The following FAM193A variants were observed in gnomAD, a reference collection of about 807,000 sequenced individuals.
The protein encoded by FAM193A is protein FAM193A.
In FAM193A, 22 loss-of-function variants were observed where a neutral mutation model predicts 126.5. The ratio of observed to expected loss-of-function variants is 0.17; its 90% confidence interval spans 0.12 to 0.25. The LOEUF (loss-of-function observed/expected upper bound fraction) is 0.25. FAM193A is among the 10% of genes least tolerant of loss of function. FAM193A has a pLI of 1.00. For missense variants in FAM193A, 1,675 were observed against 1,672.8 expected (o/e 1.00, Z -0.02); for synonymous variants, 761 against 646.8 (o/e 1.18, Z -2.68).
intron 13 of FAM193A, among the ~76,000 whole-genome samples, chr4:2,687,257 T>C (rs1183880488): frequency 6.6e-6 from 1 of 152,142 alleles, no homozygotes; most frequent in African/African-American, 2.4e-5. Context: ...TCTATATAAG[T>C]AGTCTCTATA....
At chr4:2,725,126 ACCTCCG>A (rs1333552176) in intron 20 of FAM193A, among the ~76,000 whole-genome samples, 4 of 151,422 alleles carry the variant, frequency 2.6e-5, no homozygotes, top group Non-Finnish European at 5.9e-5. Flanking sequence ...TAATCCACCT[ACCTCCG>A]CCTCCCAAAG....
chr4:2,538,043 C>T (rs1736995102), intron 1 of FAM193A, among the ~76,000 whole-genome samples: 1 of 152,120 alleles, frequency 6.6e-6, no homozygotes, highest in South Asian at 2.1e-4. Context: ...CCAGTTATCC[C>T]ATTGTCTGCT....
chr4:2,578,819 A>G (rs529825349), intron 1 of FAM193A, among the ~76,000 whole-genome samples: 41 of 152,292 alleles, frequency 2.7e-4, no homozygotes, highest in African/African-American at 9.1e-4. Context: ...GTGGAAGTGG[A>G]TCATGATAAA....
At chr4:2,610,908 T>G (rs1741831396) in intron 2 of FAM193A, among the ~76,000 whole-genome samples, 1 of 152,134 alleles carries the variant, frequency 6.6e-6, no homozygotes, top group Non-Finnish European at 1.5e-5. Flanking sequence ...CAGCTAGTTG[T>G]GTATTTTTAG....
At chr4:2,683,108 A>C (rs1429397311) in intron 13 of FAM193A, among the ~76,000 whole-genome samples, 1 of 152,028 alleles carries the variant, frequency 6.6e-6, no homozygotes, top group Admixed American at 6.5e-5. Flanking sequence ...CTGGACACAT[A>C]ATTCTAGGTT....
At chr4:2,571,920 C>T (rs1393897959) in intron 1 of FAM193A, among the ~76,000 whole-genome samples, 1 of 151,484 alleles carries the variant, frequency 6.6e-6, no homozygotes, top group Non-Finnish European at 1.5e-5. Context: ...AATCCCAGCA[C>T]TTCGAGAGGC....
intron 4 of FAM193A, 119 bp from the exon 5 acceptor site, chr4:2,630,816 G>C (rs1468723552): frequency 1.6e-6 from 1 of 611,500 alleles, no homozygotes; most frequent in East Asian, 2.7e-5. Flanking sequence ...TGAGGAAGGT[G>C]ACTGTGTGGT....
chr4:2,691,773 C>CT (rs1553910894), intron 15 of FAM193A, among the ~76,000 whole-genome samples: 2 of 78,244 alleles, frequency 2.6e-5, no homozygotes, highest in East Asian at 3.8e-4. Context: ...GACCCCGTCT[C>CT]TAAAAAAAAA....
intron 2 of FAM193A, 43 bp downstream of exon 2, chr4:2,596,372 C>T (rs980263994): frequency 6.5e-5 from 45 of 688,904 alleles, no homozygotes; most frequent in Non-Finnish European, 1.1e-4. Flanking sequence ...GTTGGCTCCC[C>T]CCGCCCAGGT....
intron 13 of FAM193A, among the ~76,000 whole-genome samples, chr4:2,676,397 T>C (rs1313496979): frequency 6.6e-6 from 1 of 152,234 alleles, no homozygotes; most frequent in Non-Finnish European, 1.5e-5. Flanking sequence ...GTAGTTTTGA[T>C]TTGCATTTCC....
chr4:2,636,346 A>C (rs761122255), intron 5 of FAM193A, among the ~76,000 whole-genome samples: 4 of 152,142 alleles, frequency 2.6e-5, no homozygotes, highest in Non-Finnish European at 4.4e-5. Context: ...TACAGCCGTG[A>C]GCCACCGTGC....
At chr4:2,600,183 C>T (rs1459911570) in intron 2 of FAM193A, among the ~76,000 whole-genome samples, 2 of 152,164 alleles carry the variant, frequency 1.3e-5, no homozygotes, top group African/African-American at 4.8e-5. Flanking sequence ...CAGGCGTGAG[C>T]CACTGCGCCT....
chr4:2,572,851 A>G (rs1033039178), intron 1 of FAM193A, among the ~76,000 whole-genome samples: 10 of 150,472 alleles, frequency 6.6e-5, no homozygotes, highest in African/African-American at 2.2e-4. Context: ...CGGAAGGCAG[A>G]TAGAAGGCTT....
In FAM193A at chr4:2,642,566, G is replaced by A. The variant is rs117521986; in HGVS notation, c.1163+2707G>A. Among the ~76,000 whole-genome samples, 15 of 152,156 alleles carry A rather than the reference G, an allele frequency of 9.9e-5. No homozygotes were observed. In the East Asian group the frequency reaches 2.9e-3, roughly 29 times the overall value. On this transcript the variant is annotated intron_variant, in intron 6 of 20. Transcript: ENST00000637812. ...GTTATGACGTTCAGATTCATCAAAA[G>A]CACTTTTCATGAGAAGATATGCATC... is the stretch of plus-strand genomic sequence containing the variant.
At chr4:2,541,924 G>A (rs1737258566) in intron 1 of FAM193A, among the ~76,000 whole-genome samples, 1 of 151,178 alleles carries the variant, frequency 6.6e-6, no homozygotes, top group Admixed American at 6.6e-5. Context: ...TCTGCCTCCT[G>A]AGTTCAAGTG....
At chr4:2,696,712 A>C in intron 18 of FAM193A, 119 bp downstream of exon 18, 1 of 694,414 alleles carries the variant, frequency 1.4e-6, no homozygotes. Flanking sequence ...ACGTGTGTTC[A>C]CTTGCCCACA....
At chr4:2,725,834 C>T (rs1037011939) in intron 20 of FAM193A, among the ~76,000 whole-genome samples, 15 of 152,016 alleles carry the variant, frequency 9.9e-5, no homozygotes, top group Non-Finnish European at 2.2e-4. Context: ...ACCTCAGCCT[C>T]CTGACTAGCT....
intron 20 of FAM193A, among the ~76,000 whole-genome samples, chr4:2,731,359 C>G (rs1485363292): frequency 6.6e-6 from 1 of 151,480 alleles, no homozygotes; most frequent in Non-Finnish European, 1.5e-5. Context: ...GAGTGAGACC[C>G]TGTCTCAAAA....
At chr4:2,645,404 C>A (rs16843182) in intron 6 of FAM193A, among the ~76,000 whole-genome samples, 4 of 152,200 alleles carry the variant, frequency 2.6e-5, no homozygotes, top group Non-Finnish European at 5.9e-5. Flanking sequence ...CTCCCAATCG[C>A]CATCTTGCTC....
Sources: allele counts gnomAD v4.1 joint callset (sites outside exome capture counted in the v4.1 genomes callset), GRCh38; gene constraint gnomAD v4.1.1; transcripts MANE v1.5; gene names NCBI Gene and HGNC (gene_info 2026-07-23, HGNC 2026-07-21).